GALNT13: variants seen among roughly 807,000 people sequenced by gnomAD.
GALNT13 encodes the protein polypeptide N-acetylgalactosaminyltransferase 13.
A neutral mutation model predicts 64.2 loss-of-function variants in GALNT13; 28 were observed. The observed-to-expected ratio is 0.44, with a 90% CI of 0.32 to 0.60. The LOEUF (loss-of-function observed/expected upper bound fraction) is 0.60. Ranked by LOEUF, GALNT13 falls within the 20% of genes least tolerant of loss-of-function variation. The pLI, the probability that GALNT13 is intolerant of heterozygous loss-of-function variation, is 0.05. For synonymous variants in GALNT13, 214 were observed against 224.6 expected (o/e 0.95, Z 0.42); for missense variants, 577 against 669.8 (o/e 0.86, Z 1.53).
chr2:153,672,756 T>A, the GALNT13 span, among the ~76,000 whole-genome samples: 4 of 145,514 alleles, frequency 2.7e-5, no homozygotes. Context: ...AAAAAATTAA[T>A]GAATCCAGGA....
chr2:154,195,460 G>C (rs1006638251), intron 4 of GALNT13, among the ~76,000 whole-genome samples: 1 of 152,042 alleles, frequency 6.6e-6, no homozygotes, highest in Non-Finnish European at 1.5e-5. Context: ...GTGAAACAGA[G>C]AATTCCTAAG....
the GALNT13 span, among the ~76,000 whole-genome samples, chr2:153,767,201 G>C: frequency 6.6e-6 from 1 of 152,042 alleles, no homozygotes. Context: ...AGAACATGAG[G>C]TATTTGGTTT....
intron 2 of GALNT13, among the ~76,000 whole-genome samples, chr2:153,934,383 G>T (rs545473398): frequency 8.9e-4 from 136 of 152,158 alleles, no homozygotes; most frequent in African/African-American, 3.1e-3. Context: ...CTGCTTTTTT[G>T]TGTGTGTGAT....
chr2:154,133,752 A>G (rs1006467382), intron 3 of GALNT13, among the ~76,000 whole-genome samples: 12 of 151,672 alleles, frequency 7.9e-5, no homozygotes, highest in African/African-American at 2.4e-4. Context: ...TTGATGCACA[A>G]TGCTTCGGGG....
the GALNT13 span, among the ~76,000 whole-genome samples, chr2:153,322,218 G>A: frequency 2.0e-5 from 3 of 151,990 alleles, no homozygotes; most frequent in Admixed American, 2.0e-4. Flanking sequence ...TTGTGTCCAT[G>A]AGTACCCATT....
chr2:153,270,768 C>CTT, the GALNT13 span, among the ~76,000 whole-genome samples: 2 of 152,142 alleles, frequency 1.3e-5, no homozygotes, highest in African/African-American at 2.4e-5. Flanking sequence ...GGGAGGATCA[C>CTT]TTGAACTTGG....
the GALNT13 span, among the ~76,000 whole-genome samples, chr2:153,552,834 A>G: frequency 1.3e-5 from 2 of 152,074 alleles, no homozygotes; most frequent in South Asian, 4.1e-4. Context: ...TTAGATTCTC[A>G]TAAGGAGTGT....
chr2:153,904,969 G>A (rs1029041640), intron 2 of GALNT13, among the ~76,000 whole-genome samples: 13 of 151,624 alleles, frequency 8.6e-5, no homozygotes, highest in African/African-American at 3.1e-4. Flanking sequence ...ATATATGTCT[G>A]GGTCTTTTAG....
intron 1 of GALNT13, among the ~76,000 whole-genome samples, chr2:153,883,479 A>G (rs1686922530): frequency 6.6e-6 from 1 of 152,100 alleles, no homozygotes; most frequent in African/African-American, 2.4e-5. Context: ...TTTAAGACAT[A>G]TGAAGACAAA....
the GALNT13 span, among the ~76,000 whole-genome samples, chr2:153,248,362 C>T: frequency 6.6e-6 from 1 of 152,144 alleles, no homozygotes; most frequent in Non-Finnish European, 1.5e-5. Flanking sequence ...AGCTTATCCA[C>T]CACGATCAAG....
At chr2:153,359,904 A>T in the GALNT13 span, among the ~76,000 whole-genome samples, 1 of 152,202 alleles carries the variant, frequency 6.6e-6, no homozygotes, top group Admixed American at 6.5e-5. Flanking sequence ...GAAAAATATG[A>T]GACAGAAATG....
chr2:154,168,264 A>G (rs1685146617), intron 4 of GALNT13, among the ~76,000 whole-genome samples: 1 of 152,126 alleles, frequency 6.6e-6, no homozygotes, highest in Non-Finnish European at 1.5e-5. Flanking sequence ...CTGGAGACCC[A>G]GGGAAGACAT....
At chr2:154,113,075 T>A (rs1412636122) in intron 3 of GALNT13, among the ~76,000 whole-genome samples, 1 of 152,168 alleles carries the variant, frequency 6.6e-6, no homozygotes, top group Non-Finnish European at 1.5e-5. Context: ...GGTGGCATGG[T>A]GCCTTGATGA....
the GALNT13 span, among the ~76,000 whole-genome samples, chr2:153,076,835 A>G: frequency 6.6e-6 from 1 of 151,946 alleles, no homozygotes; most frequent in Admixed American, 6.6e-5. Context: ...AGGCTTTATA[A>G]TATGTTTTAT....
At chr2:153,094,936 T>C in the GALNT13 span, among the ~76,000 whole-genome samples, 1 of 152,112 alleles carries the variant, frequency 6.6e-6, no homozygotes, top group African/African-American at 2.4e-5. Flanking sequence ...ATAAAAACCC[T>C]AGAAGAGAAC....
At chr2:153,879,357 CGT>C (rs4034904) in intron 1 of GALNT13, among the ~76,000 whole-genome samples, 88,119 of 148,314 alleles carry the variant, frequency 0.59, 26,465 homozygotes, top group Non-Finnish European at 0.63. Flanking sequence ...AAACTACCTA[CGT>C]GTGTGTGTGT....
At chr2:153,879,905 G>A (rs1176294959) in intron 1 of GALNT13, among the ~76,000 whole-genome samples, 1 of 152,154 alleles carries the variant, frequency 6.6e-6, no homozygotes, top group Non-Finnish European at 1.5e-5. Context: ...TTTTCCTCAA[G>A]TAGTGTCATC....
chr2:154,277,295 T>C (rs1223445605), intron 8 of GALNT13, among the ~76,000 whole-genome samples: 9 of 152,138 alleles, frequency 5.9e-5, no homozygotes, highest in Admixed American at 5.9e-4. Flanking sequence ...AATCTGTTGT[T>C]TTTGTATATG....
chr2:154,298,718 A>C lies in GALNT13; in HGVS notation c.976-2691A>C, dbSNP rs371234262. Among the ~76,000 whole-genome samples, 35 of 96,602 alleles carry C rather than the reference A, an allele frequency of 3.6e-4. 1 individual carries two copies. The highest frequency in any genetic ancestry group is 9.4e-4 in the African/African-American group (24 of 25,604). 63.4% of individuals were successfully genotyped at this position (96,602 alleles called of 152,430 possible). A position where few individuals can be genotyped will look rare whatever the true frequency, so the allele number is the denominator to read the frequency against. ...ACATTGTATATACAATTTATATATA[A>C]ATTATATTATTTATATATAGTATAT... On this transcript the variant is annotated intron_variant, in intron 8 of 12. Transcript: ENST00000392825.
Sources: allele counts gnomAD v4.1 joint callset (sites outside exome capture counted in the v4.1 genomes callset), GRCh38; gene constraint gnomAD v4.1.1; transcripts MANE v1.5; gene names NCBI Gene and HGNC (gene_info 2026-07-23, HGNC 2026-07-21).